The following SAMD3 variants were observed in gnomAD, a reference collection of about 807,000 sequenced individuals.
SAMD3 encodes the protein sterile alpha motif domain-containing protein 3.
In SAMD3, 63 loss-of-function variants were observed where a neutral mutation model predicts 58.5. The observed-to-expected ratio is 1.08, with a 90% CI of 0.88 to 1.33. SAMD3 has a LOEUF of 1.33. Ranked by LOEUF, SAMD3 falls within the 40% of genes most tolerant of loss-of-function variation. SAMD3 has a pLI of 0.00. For synonymous variants in SAMD3, 220 were observed against 210.3 expected (o/e 1.05, Z -0.40); for missense variants, 604 against 608.4 (o/e 0.99, Z 0.08).
At chr6:130,347,892 T>C (rs1777506073) in intron 1 of SAMD3, among the ~76,000 whole-genome samples, 1 of 152,202 alleles carries the variant, frequency 6.6e-6, no homozygotes, top group Admixed American at 6.5e-5. Flanking sequence ...GCAGAAACTC[T>C]ACAAGCCAGA....
Position 130,346,149 on chromosome 6 carries a change from G to A in SAMD3, c.-304+18971C>T, listed in dbSNP as rs142078883. 1.1e-3 allele frequency among the ~76,000 whole-genome samples: 161 copies of A among 152,182 alleles called. 4 individuals are homozygous for A. The East Asian group carries it at 0.029, about 28-fold the overall frequency. Reference sequence around the variant, plus strand: ...GTCTACAGCTCCCAGCGTGAGTGACGCAGAAGATGGGTGATTTCTGCATTT... The same window carrying A: ...GTCTACAGCTCCCAGCGTGAGTGACACAGAAGATGGGTGATTTCTGCATTT... On this transcript the variant is annotated intron_variant, in intron 1 of 13. Transcript: ENST00000368134.
intron 2 of SAMD3, among the ~76,000 whole-genome samples, chr6:130,252,701 G>A (rs1220213174): frequency 6.6e-6 from 1 of 152,164 alleles, no homozygotes; most frequent in Non-Finnish European, 1.5e-5. Flanking sequence ...TGGTTTCCTG[G>A]ATTTGGGTTG....
At chr6:130,191,182 C>T (rs1165882306) in intron 5 of SAMD3, among the ~76,000 whole-genome samples, 1 of 152,002 alleles carries the variant, frequency 6.6e-6, no homozygotes, top group Non-Finnish European at 1.5e-5. Context: ...GATTCTTCTA[C>T]CCCCAACAAT....
chr6:130,175,351 A>T (rs1791625526), intron 8 of SAMD3, among the ~76,000 whole-genome samples: 1 of 152,148 alleles, frequency 6.6e-6, no homozygotes, highest in South Asian at 2.1e-4. Flanking sequence ...CCCGACAGCC[A>T]CTTCTGGGTT....
intron 1 of SAMD3, among the ~76,000 whole-genome samples, chr6:130,354,931 A>C (rs972290874): frequency 6.6e-6 from 1 of 152,202 alleles, no homozygotes; most frequent in Non-Finnish European, 1.5e-5. Flanking sequence ...AAACTAAAAA[A>C]AAAGGATATG....
chr6:130,181,524 C>T (rs920919879), intron 7 of SAMD3, among the ~76,000 whole-genome samples: 5 of 152,188 alleles, frequency 3.3e-5, no homozygotes, highest in African/African-American at 7.2e-5. Flanking sequence ...TATCAGTTAA[C>T]GGTCCTTAGT....
intron 2 of SAMD3, among the ~76,000 whole-genome samples, chr6:130,264,513 G>T (rs12189804): frequency 0.31 from 47,367 of 152,026 alleles, 7,752 homozygotes; most frequent in East Asian, 0.47. Context: ...TTTAGTCCAT[G>T]TGGCTGTCCC....
upstream of SAMD3, among the ~76,000 whole-genome samples, chr6:130,224,066 T>G (rs1796313613): frequency 6.6e-6 from 1 of 152,018 alleles, no homozygotes; most frequent in Admixed American, 6.6e-5. Context: ...GGGAATGGAA[T>G]GGGAAGGCGG....
intron 2 of SAMD3, among the ~76,000 whole-genome samples, chr6:130,230,249 T>C (rs1796505670): frequency 6.6e-6 from 1 of 152,168 alleles, no homozygotes; most frequent in Admixed American, 6.5e-5. Flanking sequence ...AAGTATATAA[T>C]ATGAATGTTC....
intron 2 of SAMD3, among the ~76,000 whole-genome samples, chr6:130,287,040 C>G (rs1562500033): frequency 6.6e-6 from 1 of 152,182 alleles, no homozygotes; most frequent in African/African-American, 2.4e-5. Context: ...TCTCCTTCCC[C>G]TAAACATTTG....
chr6:130,147,505 A>T (rs2114548134), intron 9 of SAMD3, among the ~76,000 whole-genome samples: 1 of 152,328 alleles, frequency 6.6e-6, no homozygotes, highest in South Asian at 2.1e-4. Context: ...TATGTTTTGA[A>T]ATAATTTCAA....
chr6:130,278,828 A>C (rs1302539374), intron 2 of SAMD3, among the ~76,000 whole-genome samples: 1 of 152,208 alleles, frequency 6.6e-6, no homozygotes, highest in Non-Finnish European at 1.5e-5. Context: ...GTAGTAAAGC[A>C]CAATAATGCC....
chr6:130,169,526 T>A (rs1205156633), intron 8 of SAMD3, among the ~76,000 whole-genome samples: 2 of 152,196 alleles, frequency 1.3e-5, no homozygotes, highest in Non-Finnish European at 2.9e-5. Flanking sequence ...CTATCGTCTC[T>A]TTTTTAGCCT....
intron 2 of SAMD3, among the ~76,000 whole-genome samples, chr6:130,250,096 A>T (rs1011349662): frequency 6.6e-6 from 1 of 152,218 alleles, no homozygotes; most frequent in Non-Finnish European, 1.5e-5. Flanking sequence ...GCTCTGCAAC[A>T]GTTACATACA....
intron 2 of SAMD3, among the ~76,000 whole-genome samples, chr6:130,244,576 CT>C (rs1254806578): frequency 6.6e-6 from 1 of 151,800 alleles, no homozygotes; most frequent in Non-Finnish European, 1.5e-5. Context: ...CCCATCTCTA[CT>C]AAAAATACAA....
At chr6:130,314,093 A>T (rs976938114) in intron 1 of SAMD3, among the ~76,000 whole-genome samples, 3 of 152,198 alleles carry the variant, frequency 2.0e-5, no homozygotes, top group African/African-American at 7.2e-5. Context: ...CTTATCTGAA[A>T]CTAGGTTTGG....
At chr6:130,262,623 A>G (rs564602343) in intron 2 of SAMD3, among the ~76,000 whole-genome samples, 3 of 152,232 alleles carry the variant, frequency 2.0e-5, no homozygotes, top group Non-Finnish European at 2.9e-5. Context: ...CATGCAAGAA[A>G]TGTTGTATAA....
chr6:130,349,893 C>T (rs1777598477), intron 1 of SAMD3, among the ~76,000 whole-genome samples: 1 of 152,144 alleles, frequency 6.6e-6, no homozygotes, highest in Non-Finnish European at 1.5e-5. Flanking sequence ...GGGCTTCATC[C>T]CTGGGATGCA....
intron 9 of SAMD3, among the ~76,000 whole-genome samples, chr6:130,146,476 C>T (rs1388997180): frequency 6.6e-6 from 1 of 152,152 alleles, no homozygotes; most frequent in Non-Finnish European, 1.5e-5. Context: ...TATGCATATG[C>T]AGGCTATTTG....
Sources: allele counts gnomAD v4.1 joint callset (sites outside exome capture counted in the v4.1 genomes callset), GRCh38; gene constraint gnomAD v4.1.1; transcripts MANE v1.5; gene names NCBI Gene and HGNC (gene_info 2026-07-23, HGNC 2026-07-21).